Variants in TBCK observed in about 807,000 individuals in gnomAD.
TBCK encodes TBC domain-containing protein kinase-like protein.
TBCK carries 99 observed loss-of-function variants against 113.4 expected under a neutral mutation model. That is an observed-to-expected ratio of 0.87 (90% CI 0.74 to 1.03). The LOEUF is 1.03. TBCK is among the 50% of genes least tolerant of loss of function. The pLI is 0.00. For synonymous variants in TBCK, 369 were observed against 370.8 expected (o/e 1.00, Z 0.05); for missense variants, 1,045 against 1,061.3 (o/e 0.98, Z 0.21).
chr4:106,277,704 A>AGATTTACT (rs1271673478), intron 3 of TBCK, among the ~76,000 whole-genome samples: 47 of 152,202 alleles, frequency 3.1e-4, no homozygotes, highest in Non-Finnish European at 6.8e-4. Flanking sequence ...GGAGGTGCAG[A>AGATTTACT]GATTTACTGG....
chr4:106,250,367 A>T, intron 7 of TBCK, 51 bp downstream of exon 7: 1 of 1,206,118 alleles, frequency 8.3e-7, no homozygotes, highest in Non-Finnish European at 1.2e-6. Flanking sequence ...CATGATTACT[A>T]ATAGTAAGTT....
chr4:106,246,791 G>T (rs1208217626), intron 10 of TBCK, among the ~76,000 whole-genome samples: 1 of 152,100 alleles, frequency 6.6e-6, no homozygotes, highest in Non-Finnish European at 1.5e-5. Context: ...AAGGAAGTTA[G>T]GCTCTGACTA....
At chr4:106,249,265 GTCTC>G (rs1761175866) in intron 7 of TBCK, among the ~76,000 whole-genome samples, 1 of 152,124 alleles carries the variant, frequency 6.6e-6, no homozygotes, top group South Asian at 2.1e-4. Flanking sequence ...AGCTCTCTCT[GTCTC>G]TCTCTAAATA....
intron 2 of TBCK, chr4:106,297,563 C>T (rs914777105): frequency 6.6e-6 from 1 of 152,184 alleles, no homozygotes; most frequent in African/African-American, 2.4e-5. Flanking sequence ...TTCTTTCCAA[C>T]ATATTTTCAC....
chr4:106,175,975 A>G (rs1477143887), intron 22 of TBCK, among the ~76,000 whole-genome samples: 1 of 152,088 alleles, frequency 6.6e-6, no homozygotes, highest in Non-Finnish European at 1.5e-5. Flanking sequence ...CTTTGCCTAT[A>G]AAGACTTGAA....
chr4:106,143,772 G>C (rs1747423225), intron 23 of TBCK, among the ~76,000 whole-genome samples: 1 of 151,926 alleles, frequency 6.6e-6, no homozygotes, highest in African/African-American at 2.4e-5. Flanking sequence ...AAATTAGCCG[G>C]GCATGGTGGT....
chr4:106,050,507 ATAT>A (rs1390246842), intron 25 of TBCK, among the ~76,000 whole-genome samples: 3 of 152,060 alleles, frequency 2.0e-5, no homozygotes, highest in African/African-American at 4.8e-5. Flanking sequence ...ATGACAGTAA[ATAT>A]TATGCTGGAA....
At chr4:106,071,033 C>G (rs759517908) in intron 25 of TBCK, among the ~76,000 whole-genome samples, 1 of 152,026 alleles carries the variant, frequency 6.6e-6, no homozygotes, top group African/African-American at 2.4e-5. Flanking sequence ...TTTTGTTGAC[C>G]TTTTCAACAA....
chr4:106,247,926 C>G (rs1003210982), intron 9 of TBCK: 2 of 187,282 alleles, frequency 1.1e-5, no homozygotes, highest in African/African-American at 4.7e-5. Flanking sequence ...AACTTTTATT[C>G]TCATTTCACT....
At chr4:106,181,628 C>A (rs981015100) in intron 22 of TBCK, among the ~76,000 whole-genome samples, 22 of 152,248 alleles carry the variant, frequency 1.4e-4, no homozygotes, top group Middle Eastern at 3.4e-3. Context: ...AATAGGGAAT[C>A]TTTTCCCCAT....
At chr4:106,263,917 T>C (rs564187743) in intron 3 of TBCK, among the ~76,000 whole-genome samples, 3 of 152,130 alleles carry the variant, frequency 2.0e-5, no homozygotes, top group African/African-American at 7.2e-5. Context: ...TTTTCACAAC[T>C]TTCCTATTTT....
chr4:106,184,667 C>T (rs536279185), intron 22 of TBCK, among the ~76,000 whole-genome samples: 63 of 152,056 alleles, frequency 4.1e-4, no homozygotes. Flanking sequence ...TTTTAAAACA[C>T]AATCTTCTTA....
intron 24 of TBCK, among the ~76,000 whole-genome samples, chr4:106,105,346 A>T (rs1742025928): frequency 6.6e-6 from 1 of 152,220 alleles, no homozygotes; most frequent in African/African-American, 2.4e-5. Context: ...GTCAAAAAAA[A>T]ATGACCCTTG....
At chr4:106,160,730 T>C (rs535017693) in intron 23 of TBCK, among the ~76,000 whole-genome samples, 1 of 152,012 alleles carries the variant, frequency 6.6e-6, no homozygotes, top group Admixed American at 6.6e-5. Context: ...AAACTAAAGA[T>C]AGATAACATA....
At chr4:106,273,046 A>G (rs922762658) in intron 3 of TBCK, among the ~76,000 whole-genome samples, 1 of 152,212 alleles carries the variant, frequency 6.6e-6, no homozygotes, top group African/African-American at 2.4e-5. Flanking sequence ...CTATAAGTAT[A>G]GCCCTTTAAT....
At chr4:106,119,940 T>C (rs1354992878) in intron 23 of TBCK, among the ~76,000 whole-genome samples, 1 of 151,138 alleles carries the variant, frequency 6.6e-6, no homozygotes, top group Non-Finnish European at 1.5e-5. Context: ...GAAATGCAAA[T>C]CAAAACCACA....
intron 3 of TBCK, among the ~76,000 whole-genome samples, chr4:106,275,456 C>A (rs1450094993): frequency 2.0e-5 from 3 of 151,482 alleles, no homozygotes; most frequent in Non-Finnish European, 4.4e-5. Context: ...GAAATATAAG[C>A]CATAAAGGTT....
intron 25 of TBCK, among the ~76,000 whole-genome samples, chr4:106,059,044 T>C (rs1444200639): frequency 6.6e-6 from 1 of 151,792 alleles, no homozygotes; most frequent in Non-Finnish European, 1.5e-5. Context: ...GATAAAATAC[T>C]ACTTCAAATA....
chr4:106,200,097 T>C (rs1754706640), intron 20 of TBCK, among the ~76,000 whole-genome samples: 1 of 152,212 alleles, frequency 6.6e-6, no homozygotes, highest in African/African-American at 2.4e-5. Context: ...AATGGTCTAC[T>C]GGCTGCTCCT....
Sources: gnomAD v4.1 joint callset for allele counts (sites outside exome capture counted in the v4.1 genomes callset) on GRCh38, gnomAD v4.1.1 for gene constraint, MANE v1.5 for transcripts, NCBI Gene and HGNC (gene_info 2026-07-23, HGNC 2026-07-21) for gene names.